Variants in ADGRF1 observed in about 807,000 individuals in gnomAD.
ADGRF1 encodes the protein adhesion G protein-coupled receptor F1, also known as G protein-coupled receptor 110.
ADGRF1 carries 85 observed loss-of-function variants against 87.2 expected under a neutral mutation model. The ratio of observed to expected loss-of-function variants is 0.97; its 90% confidence interval spans 0.82 to 1.17. The LOEUF is 1.17. Ranked by LOEUF, ADGRF1 falls within the 50% of genes most tolerant of loss-of-function variation. The pLI, the probability that ADGRF1 is intolerant of heterozygous loss-of-function variation, is 0.00. For synonymous variants in ADGRF1, 430 were observed against 408.8 expected, an observed-to-expected ratio of 1.05 and a Z score of -0.63; for missense variants, 1,169 against 1,077.2, an observed-to-expected ratio of 1.09 and a Z score of -1.19.
chr6:47,026,063 G>C (rs566761780), intron 3 of ADGRF1, 60 bp from the exon 4 acceptor site: 1 of 1,409,006 alleles, frequency 7.1e-7, no homozygotes, highest in African/African-American at 1.4e-5. Context: ...ATATTGCTGA[G>C]GAAGTGACTG....
chr6:47,026,108 C>T (rs1212708703), intron 3 of ADGRF1, 105 bp from the exon 4 acceptor site: 9 of 950,738 alleles, frequency 9.5e-6, no homozygotes, highest in Non-Finnish European at 1.4e-5. Flanking sequence ...AGGGACTCTA[C>T]CATGCTGCTT....
Position 47,015,691 on chromosome 6 carries a change from G to A in ADGRF1, c.764-847C>T, listed in dbSNP as rs575797120. 4.6e-4 allele frequency among the ~76,000 whole-genome samples: 70 copies of A among 152,054 alleles called. 1 individual carries two copies. In the South Asian group the frequency reaches 0.014, roughly 31 times the overall value. On this transcript the variant is annotated intron_variant, in intron 8 of 14. Coordinates refer to ENST00000371253, the MANE Select transcript of ADGRF1 (RefSeq NM_153840.4). ...CAACCTCCACCTCCTGGGTTCAAGT[G>A]ATTCCCCTGCCTTGGCCTCTCGAGT...
In ADGRF1 at chr6:47,020,190, C is replaced by T. The variant is rs905489510; in HGVS notation, c.611+541G>A. ...TCACTGACCCACAGTTTTGAGAATG[C>T]TTTCCAATATTTAAGGTCCTAGGCC... On this transcript the variant is annotated intron_variant, in intron 7 of 14. Coordinates refer to ENST00000371253, the MANE Select transcript of ADGRF1 (RefSeq NM_153840.4). The T allele has an allele frequency of 4.2e-6, 5 of 1,186,296 alleles. No homozygotes were observed. The African/African-American group carries it at 4.8e-5, about 11-fold the overall frequency. The allele number at this position is 1,186,296 out of a possible 1,614,324, so 73.5% of individuals were successfully genotyped here. A position where few individuals can be genotyped will look rare whatever the true frequency, so the allele number is the denominator to read the frequency against.
intron 7 of ADGRF1, 76 bp from the exon 8 acceptor site, chr6:47,016,844 A>G (rs2113889280): frequency 6.8e-7 from 1 of 1,460,126 alleles, no homozygotes; most frequent in Non-Finnish European, 9.1e-7. Flanking sequence ...TGCTGTGTGT[A>G]CATGCCATGG....
At position 47,009,020 on chromosome 6, in the gene ADGRF1, G is replaced by A; in HGVS notation, c.2415C>T (p.Gly805=). 1 of 1,613,970 alleles carries A rather than the reference G, an allele frequency of 6.2e-7. No homozygotes were observed. The highest frequency in any genetic ancestry group is 8.5e-7 in the Non-Finnish European group (1 of 1,179,942). The change falls in exon 11 of 15, where the codon GGC becomes GGT. Residue 805 remains glycine (G), a synonymous_variant. Transcript: ENST00000371253. ...TGTCCACTATTGTTCCTATTCCAAA[G>A]CCCCAGGTGAGCCCTAGCAGAGGGG... ...ILTPLLGLTW[G]FGIGTIVDSQ... is the part of the protein sequence containing the mutation.
intron 1 of ADGRF1, among the ~76,000 whole-genome samples, chr6:47,031,667 C>T (rs944285957): frequency 6.6e-6 from 1 of 152,042 alleles, no homozygotes; most frequent in Non-Finnish European, 1.5e-5. Flanking sequence ...GTGGGTGTCC[C>T]CGTCTCACCC....
chr6:47,007,530 C>A lies in ADGRF1; in HGVS notation c.2491-236G>T, dbSNP rs181695132. On this transcript the variant is annotated intron_variant, in intron 11 of 14. Coordinates refer to ENST00000371253, the MANE Select transcript of ADGRF1 (RefSeq NM_153840.4). ...ATGTCTAAATAAGCAAATGACCAAG[C>A]GAATGAAGTTTTGCATGTGGAGCTT... Among the ~76,000 whole-genome samples, 65 of 152,298 alleles carry A rather than the reference C, an allele frequency of 4.3e-4. 1 individual carries two copies. Among genetic ancestry groups the A allele is most frequent in the Admixed American group, 3.5e-3 (54 of 15,304 alleles).
chr6:47,025,569 A>G (rs1286004113), intron 4 of ADGRF1, among the ~76,000 whole-genome samples: 2 of 152,194 alleles, frequency 1.3e-5, no homozygotes, highest in Admixed American at 6.5e-5. Context: ...CTTCTGAGTT[A>G]GAGAATTTAA....
Position 47,029,037 on chromosome 6 carries a change from T to C in ADGRF1, c.25A>G (p.Ile9Val). 2 of 1,614,060 alleles carry C rather than the reference T, an allele frequency of 1.2e-6. No individual in the cohort carries two copies. The highest frequency in any genetic ancestry group is 1.7e-6 in the Non-Finnish European group (2 of 1,179,982). Residue 9 changes from isoleucine to valine, a missense_variant, in exon 2 of 15, where the codon ATT becomes GTT. Transcript: ENST00000371253. MKVGVLWL[I>V]SFFTFTDGHG... ...CCGTCAGTGAAGGTGAAGAAAGAAA[T>C]GAGCCACAGCACTCCAACTTTCATT... is the stretch of plus-strand genomic sequence containing the variant.
rs2113883672 is a variant in ADGRF1, at chr6:47,012,090, G to T, written c.1033C>A (p.Leu345Met). 6.2e-7 allele frequency: 1 copy of T among 1,614,158 alleles called. No individual in the cohort carries two copies. Among genetic ancestry groups the T allele is most frequent in the Admixed American group, 1.7e-5 (1 of 60,024 alleles). The change falls in exon 10 of 15, where the codon CTG becomes ATG. Residue 345 changes from leucine (L) to methionine (M), a missense_variant. By Grantham distance (15) the Leu-to-Met change is conservative. Transcript: ENST00000371253. ...RQNPSTTVGN[L>M]ASVVSILSNI... ...CTCAGAATCGACACCACCGAAGCCA[G>T]ATTCCCCACTGTGGTTGATGGGTTT...
rs1293286328 is a variant in ADGRF1, at chr6:47,009,766, C to A, written c.1669G>T (p.Asp557Tyr). Reference protein sequence around the residue: ...AGCHLVNETQDIVTCQCTHLT... With the variant: ...AGCHLVNETQYIVTCQCTHLT... ...TGAGTACATTGGCACGTCACGATGTCTTGAGTTTCATTCACTAGGTGGCAG... is the reference window on the plus strand; with the variant it reads ...TGAGTACATTGGCACGTCACGATGTATTGAGTTTCATTCACTAGGTGGCAG... The change falls in exon 11 of 15, where the codon GAC (aspartate) becomes TAC (tyrosine). Residue 557 changes from aspartate (D) to tyrosine (Y), a missense_variant. Asp to Tyr is a radical substitution (Grantham distance 160). Transcript: ENST00000371253. 1 of 1,614,054 alleles carries A rather than the reference C, an allele frequency of 6.2e-7. No homozygotes were observed. The highest frequency in any genetic ancestry group is 8.5e-7 in the Non-Finnish European group (1 of 1,180,024).
intron 9 of ADGRF1, chr6:47,012,618 C>G: frequency 1.0e-6 from 1 of 982,716 alleles, no homozygotes; most frequent in Non-Finnish European, 1.2e-6. Context: ...AAAGAGCACT[C>G]AGCGGAAAAT....
chr6:47,010,142 C>T lies in ADGRF1; in HGVS notation c.1293G>A (p.Trp431Ter), dbSNP rs769330791. The T allele has an allele frequency of 1.9e-6, 3 of 1,614,016 alleles. No individual in the cohort carries two copies. Among genetic ancestry groups the T allele is most frequent in the South Asian group, 2.2e-5 (2 of 91,082 alleles). The change falls in exon 11 of 15, where the codon TGG becomes TGA. Residue 431 changes from tryptophan (W) to a stop codon, truncating the protein, a stop_gained. Transcript: ENST00000371253. LOFTEE classifies it high-confidence loss of function. ...GGCTTTTGTTCACTGGAATCCCTTTCCAGTCAATGAATTTCCGAGAAAAAT... is the reference window on the plus strand; with the variant it reads ...GGCTTTTGTTCACTGGAATCCCTTTTCAGTCAATGAATTTCCGAGAAAAAT... Reference protein sequence around the residue: ...PLNFSRKFIDWKGIPVNKSQL... With the variant: ...PLNFSRKFID
intron 2 of ADGRF1, among the ~76,000 whole-genome samples, chr6:47,028,571 A>C (rs1403142656): frequency 7.9e-5 from 12 of 152,202 alleles, no homozygotes; most frequent in Admixed American, 7.9e-4. Flanking sequence ...GGAGCTATAC[A>C]GCTGGGAGTC....
intron 8 of ADGRF1, among the ~76,000 whole-genome samples, 164 bp downstream of exon 8, chr6:47,016,453 A>G (rs978026702): frequency 1.3e-5 from 2 of 152,210 alleles, no homozygotes; most frequent in African/African-American, 2.4e-5. Context: ...GTTGAAGCTA[A>G]GTTTCATCTT....
rs898889480 is a variant in ADGRF1 at position 47,016,623 on chromosome 6, C to G, written c.757G>C (p.Gly253Arg). 1 of 1,601,406 alleles carries G rather than the reference C, an allele frequency of 6.2e-7. No homozygotes were observed. Among genetic ancestry groups the G allele is most frequent in the Non-Finnish European group, 8.5e-7 (1 of 1,171,198 alleles). Reference sequence around the variant, plus strand: ...GATGGGAATCCAGCATTACCTTTTCCGAACACTCTGAAAGAGCCGTCTTCT... The same window carrying G: ...GATGGGAATCCAGCATTACCTTTTCGGAACACTCTGAAAGAGCCGTCTTCT... The part of the protein sequence containing the change: ...PLEDGSFRVF[G>R]KAQCNDIVFG... The change falls in exon 8 of 15, where the codon GGA becomes CGA. Residue 253 changes from glycine to arginine, a missense_variant. Coordinates refer to ENST00000371253, the MANE Select transcript of ADGRF1 (RefSeq NM_153840.4).
intron 1 of ADGRF1, among the ~76,000 whole-genome samples, chr6:47,031,926 G>T (rs1434117065): frequency 1.3e-5 from 2 of 151,958 alleles, no homozygotes; most frequent in South Asian, 2.1e-4. Context: ...GTCCAAGCTG[G>T]TCTTAAACTC....
chr6:47,036,882 G>C (rs535823373), intron 1 of ADGRF1, among the ~76,000 whole-genome samples: 1 of 152,270 alleles, frequency 6.6e-6, no homozygotes, highest in African/African-American at 2.4e-5. Flanking sequence ...CATACAGAAT[G>C]AAAAGCAAAC....
chr6:47,019,632 C>T (rs1242700864), intron 7 of ADGRF1: 10 of 442,090 alleles, frequency 2.3e-5, no homozygotes, highest in Non-Finnish European at 2.7e-5. Context: ...TGCAGTGAGC[C>T]GAGATCGTGC....
Sources: allele counts gnomAD v4.1 joint callset (sites outside exome capture counted in the v4.1 genomes callset), GRCh38; gene constraint gnomAD v4.1.1; transcripts MANE v1.5; gene names NCBI Gene and HGNC (gene_info 2026-07-23, HGNC 2026-07-21).